Variants in NRF1 observed in about 807,000 individuals in gnomAD.
The protein encoded by NRF1 is alpha palindromic-binding protein.
A neutral mutation model predicts 58.5 loss-of-function variants in NRF1; 5 were observed. The observed-to-expected ratio is 0.09, with a 90% confidence interval of 0.04 to 0.18. The LOEUF is 0.18. NRF1 is among the 10% of genes least tolerant of loss of function. The probability of loss-of-function intolerance (pLI) is 1.00; values close to 1 mark genes in which losing one functional copy is unlikely to be tolerated. For synonymous variants in NRF1, 224 were observed against 246.7 expected (o/e 0.91, Z 0.86); for missense variants, 288 against 657.7 (o/e 0.44, Z 6.15).
chr7:129,737,014 G>A (rs761567318), intron 10 of NRF1, among the ~76,000 whole-genome samples: 4 of 152,234 alleles, frequency 2.6e-5, no homozygotes, highest in Non-Finnish European at 5.9e-5. Context: ...GATGATTCCT[G>A]TCAAGTTCTT....
At chr7:129,712,215 G>A (rs1195413221) in intron 8 of NRF1, among the ~76,000 whole-genome samples, 1 of 152,170 alleles carries the variant, frequency 6.6e-6, no homozygotes, top group Non-Finnish European at 1.5e-5. Flanking sequence ...TCCCATAGCA[G>A]TGTTGAAGCT....
At chr7:129,619,433 T>TATACAC (rs1554401492) in intron 1 of NRF1, among the ~76,000 whole-genome samples, 3 of 65,872 alleles carry the variant, frequency 4.6e-5, no homozygotes, top group African/African-American at 1.6e-4. Context: ...TATATATATA[T>TATACAC]ACACACACAC....
At chr7:129,683,300 T>A (rs1802365593) in intron 4 of NRF1, among the ~76,000 whole-genome samples, 1 of 137,630 alleles carries the variant, frequency 7.3e-6, no homozygotes, top group African/African-American at 3.0e-5. Context: ...TGTGTGTGTG[T>A]GTGTGTGTGT....
rs531488423 is a variant in NRF1, at chr7:129,612,697, A to G, written c.-7+873A>G. Among the ~76,000 whole-genome samples, 5 of 152,300 alleles carry G rather than the reference A, an allele frequency of 3.3e-5. No individual in the cohort carries two copies. In the East Asian group the frequency reaches 9.7e-4, roughly 29 times the overall value. On this transcript the variant is annotated intron_variant, in intron 1 of 10. Coordinates refer to ENST00000393232, the MANE Select transcript of NRF1 (RefSeq NM_005011.5). ...CAGAACCTTTTGCCACTGGAAAGAC[A>G]GGGGCTCTGAGATGGCCGTGTGCAT...
At chr7:129,735,200 A>G in intron 10 of NRF1, 3 of 985,330 alleles carry the variant, frequency 3.0e-6, no homozygotes, top group Non-Finnish European at 3.6e-6. Context: ...CTCCCTCCTC[A>G]TGTTCTGAAT....
chr7:129,642,779 A>ATTTTTTTTTT (rs1554404089), intron 1 of NRF1, among the ~76,000 whole-genome samples: 1 of 129,632 alleles, frequency 7.7e-6, no homozygotes, highest in East Asian at 5.2e-4. Flanking sequence ...TTTTTTTTAA[A>ATTTTTTTTTT]TGAGATAGGG....
In NRF1 at chr7:129,615,072, C is replaced by T. The variant is rs144144549; in HGVS notation, c.-7+3248C>T. On this transcript the variant is annotated intron_variant, in intron 1 of 10. Transcript: ENST00000393232. ...GAATAATAACAATGAACAGTAATTACTGAAATTAAAATTTTTCCCTGAGTA... is the reference window on the plus strand; with the variant it reads ...GAATAATAACAATGAACAGTAATTATTGAAATTAAAATTTTTCCCTGAGTA... Among the ~76,000 whole-genome samples, 9 of 152,320 alleles carry T rather than the reference C, an allele frequency of 5.9e-5. No homozygotes were observed. The South Asian group carries it at 1.0e-3, about 18-fold the overall frequency.
chr7:129,650,092 T>C (rs190868239), intron 1 of NRF1, among the ~76,000 whole-genome samples: 45 of 152,088 alleles, frequency 3.0e-4, no homozygotes, highest in African/African-American at 1.0e-3. Context: ...GCACCCCAGG[T>C]GATGATCCAG....
At chr7:129,703,333 A>G (rs912505360) in intron 5 of NRF1, among the ~76,000 whole-genome samples, 6 of 152,158 alleles carry the variant, frequency 3.9e-5, no homozygotes, top group African/African-American at 1.4e-4. Context: ...AGCTTTGCTG[A>G]TCCTGTTGAT....
At chr7:129,744,087 C>A in intron 10 of NRF1, 1 of 1,263,274 alleles carries the variant, frequency 7.9e-7, no homozygotes, top group Non-Finnish European at 1.1e-6. Flanking sequence ...GCATGGGAGG[C>A]TGCAAGCGCC....
At chr7:129,632,666 G>A (rs1185890400) in intron 1 of NRF1, among the ~76,000 whole-genome samples, 1 of 151,530 alleles carries the variant, frequency 6.6e-6, no homozygotes, top group Non-Finnish European at 1.5e-5. Flanking sequence ...TGGATTGCAG[G>A]GAAAACTAAA....
At chr7:129,682,855 C>G (rs1562969409) in intron 4 of NRF1, among the ~76,000 whole-genome samples, 2 of 298 alleles carry the variant, frequency 6.7e-3, no homozygotes. Context: ...TGACACCTTA[C>G]AAGGGGATAA....
At chr7:129,623,274 G>A (rs374756396) in intron 1 of NRF1, among the ~76,000 whole-genome samples, 121 of 152,224 alleles carry the variant, frequency 7.9e-4, no homozygotes, top group African/African-American at 2.7e-3. Flanking sequence ...TCTCAAGATA[G>A]CATTGGTCTT....
intron 8 of NRF1, among the ~76,000 whole-genome samples, chr7:129,714,798 T>C (rs1406579340): frequency 1.3e-5 from 2 of 152,148 alleles, no homozygotes; most frequent in South Asian, 2.1e-4. Flanking sequence ...CTAAGTATGG[T>C]AATATAACTA....
chr7:129,671,997 C>G (rs1404879877), intron 3 of NRF1, among the ~76,000 whole-genome samples: 2 of 151,944 alleles, frequency 1.3e-5, no homozygotes, highest in South Asian at 2.1e-4. Flanking sequence ...CTGGGAAATC[C>G]TTTTTGTTAA....
At chr7:129,658,923 G>C (rs1201937854) in intron 2 of NRF1, among the ~76,000 whole-genome samples, 1 of 152,062 alleles carries the variant, frequency 6.6e-6, no homozygotes, top group African/African-American at 2.4e-5. Context: ...ATTAGTATTA[G>C]TAACCTAGAA....
At chr7:129,634,041 A>AAAAAAATATATAT (rs1163693215) in intron 1 of NRF1, among the ~76,000 whole-genome samples, 1 of 113,808 alleles carries the variant, frequency 8.8e-6, no homozygotes, top group African/African-American at 3.8e-5. Flanking sequence ...AAAAAAAAAA[A>AAAAAAATATATAT]AGATATATAT....
chr7:129,732,437 C>T (rs1803602446), intron 10 of NRF1, among the ~76,000 whole-genome samples: 1 of 152,138 alleles, frequency 6.6e-6, no homozygotes, highest in African/African-American at 2.4e-5. Context: ...GGTGCAATTA[C>T]TTTCACACCA....
At chr7:129,665,508 G>GA (rs1355914470) in intron 2 of NRF1, among the ~76,000 whole-genome samples, 2 of 151,926 alleles carry the variant, frequency 1.3e-5, no homozygotes, top group South Asian at 2.1e-4. Flanking sequence ...TGATTTTCAA[G>GA]AAAAAAAAGT....
Sources: allele counts gnomAD v4.1 joint callset (sites outside exome capture counted in the v4.1 genomes callset), GRCh38; gene constraint gnomAD v4.1.1; transcripts MANE v1.5; gene names NCBI Gene and HGNC (gene_info 2026-07-23, HGNC 2026-07-21).